Variants in NRXN1 observed in about 807,000 individuals in gnomAD.
NRXN1 encodes neurexin 1.
A neutral mutation model predicts 150.9 loss-of-function variants in NRXN1; 39 were observed. The ratio of observed to expected loss-of-function variants is 0.26; its 90% CI spans 0.20 to 0.34. The LOEUF (loss-of-function observed/expected upper bound fraction) is 0.34, where lower values mean the gene tolerates loss of function less well. NRXN1 is among the 10% of genes least tolerant of loss of function. The pLI is 1.00. For synonymous variants in NRXN1, 924 were observed against 757.0 expected (o/e 1.22, Z -3.62); for missense variants, 1,815 against 1,949.9 (o/e 0.93, Z 1.30).
intron 18 of NRXN1, among the ~76,000 whole-genome samples, chr2:50,218,374 G>C (rs2063546248): frequency 6.6e-6 from 1 of 151,878 alleles, no homozygotes; most frequent in Non-Finnish European, 1.5e-5. Context: ...AGATCTACCA[G>C]CTCTTAGTAT....
intron 17 of NRXN1, among the ~76,000 whole-genome samples, chr2:50,358,648 G>T (rs1379511429): frequency 6.6e-6 from 1 of 152,218 alleles, no homozygotes; most frequent in Non-Finnish European, 1.5e-5. Context: ...GCGGCTGTTG[G>T]CACAGCTTCA....
At chr2:50,683,996 C>A (rs1392706757) in intron 5 of NRXN1, among the ~76,000 whole-genome samples, 2 of 151,602 alleles carry the variant, frequency 1.3e-5, no homozygotes, top group East Asian at 3.9e-4. Flanking sequence ...GTATACATAC[C>A]CATCCATCCA....
At chr2:50,160,739 G>T (rs1047261311) in intron 18 of NRXN1, among the ~76,000 whole-genome samples, 1 of 152,070 alleles carries the variant, frequency 6.6e-6, no homozygotes, top group Admixed American at 6.6e-5. Context: ...AAAGCCCTCG[G>T]TCAGGTTTGT....
intron 17 of NRXN1, among the ~76,000 whole-genome samples, chr2:50,333,146 T>C (rs567910921): frequency 3.2e-4 from 49 of 152,292 alleles, no homozygotes; most frequent in South Asian, 1.0e-3. Flanking sequence ...CTCATCTCTT[T>C]GATCTTTTGA....
At chr2:50,226,855 G>A (rs1271823100) in intron 18 of NRXN1, among the ~76,000 whole-genome samples, 1 of 151,876 alleles carries the variant, frequency 6.6e-6, no homozygotes, top group Non-Finnish European at 1.5e-5. Context: ...GAGCAGCACC[G>A]ACCTATTGCC....
intron 17 of NRXN1, among the ~76,000 whole-genome samples, chr2:50,406,742 C>T (rs1372326698): frequency 6.6e-6 from 1 of 152,098 alleles, no homozygotes; most frequent in Admixed American, 6.5e-5. Flanking sequence ...CAGTATCTTT[C>T]CTTTGGTTCT....
rs111777396 is a variant in NRXN1, at chr2:50,660,844, T to C, written c.833-37229A>G. ...AAATATATATATGGTGTTTCAAATA[T>C]GTGGTAGGCACTGATCTCAGATTTG... is the stretch of plus-strand genomic sequence containing the variant. On this transcript the variant is annotated intron_variant, in intron 5 of 22. Coordinates refer to ENST00000401669, the MANE Select transcript of NRXN1 (RefSeq NM_001330078.2). 5.9e-5 allele frequency among the ~76,000 whole-genome samples: 9 copies of C among 152,156 alleles called. No individual in the cohort carries two copies. In the East Asian group the frequency reaches 1.6e-3, roughly 26 times the overall value.
chr2:50,205,228 A>C (rs1479357814), intron 18 of NRXN1, among the ~76,000 whole-genome samples: 1 of 152,064 alleles, frequency 6.6e-6, no homozygotes, highest in African/African-American at 2.4e-5. Context: ...CTCATGAAAA[A>C]CTTTGCATTT....
intron 8 of NRXN1, among the ~76,000 whole-genome samples, chr2:50,575,040 T>A (rs1671199673): frequency 6.6e-6 from 1 of 152,228 alleles, no homozygotes; most frequent in Non-Finnish European, 1.5e-5. Context: ...ACTTACAGGA[T>A]GTATTGCCAC....
At chr2:50,114,507 T>C (rs1702774839) in intron 18 of NRXN1, among the ~76,000 whole-genome samples, 1 of 152,190 alleles carries the variant, frequency 6.6e-6, no homozygotes, top group African/African-American at 2.4e-5. Flanking sequence ...AACTCCTTGG[T>C]ATTTAACCAG....
chr2:50,448,951 A>G (rs774784738), intron 17 of NRXN1, among the ~76,000 whole-genome samples: 1 of 152,196 alleles, frequency 6.6e-6, no homozygotes, highest in Non-Finnish European at 1.5e-5. Context: ...GGAAAGCTGG[A>G]TATTTATTTT....
At chr2:50,084,954 A>G (rs1384145858) in intron 19 of NRXN1, among the ~76,000 whole-genome samples, 2 of 152,212 alleles carry the variant, frequency 1.3e-5, no homozygotes, top group Non-Finnish European at 2.9e-5. Context: ...ATTATGTTTC[A>G]TCATTTGGAA....
chr2:50,891,457 A>G (rs187410710), intron 5 of NRXN1, among the ~76,000 whole-genome samples: 1 of 152,220 alleles, frequency 6.6e-6, no homozygotes, highest in Admixed American at 6.5e-5. Flanking sequence ...ACTTAAATAT[A>G]CACGAGTATT....
At chr2:50,752,538 G>A (rs1318903138) in intron 5 of NRXN1, among the ~76,000 whole-genome samples, 1 of 151,890 alleles carries the variant, frequency 6.6e-6, no homozygotes, top group South Asian at 2.1e-4. Flanking sequence ...AATCTACGTT[G>A]TATGGCTAAT....
intron 17 of NRXN1, among the ~76,000 whole-genome samples, chr2:50,391,113 C>G (rs563346446): frequency 6.6e-6 from 1 of 151,776 alleles, no homozygotes; most frequent in African/African-American, 2.4e-5. Flanking sequence ...GCTCAGAGAG[C>G]TAAAACAGCA....
At chr2:50,232,392 T>G (rs59145804) in intron 18 of NRXN1, among the ~76,000 whole-genome samples, 1 of 143,888 alleles carries the variant, frequency 6.9e-6, no homozygotes, top group Non-Finnish European at 1.5e-5. Context: ...CTTTTCTTTT[T>G]TTTTTTTTTT....
chr2:50,229,894 G>C (rs2064774794), intron 18 of NRXN1, among the ~76,000 whole-genome samples: 2 of 152,182 alleles, frequency 1.3e-5, no homozygotes, highest in African/African-American at 4.8e-5. Context: ...GAAGTTCCTT[G>C]TTTTGACAGC....
At chr2:50,919,715 T>C (rs1685720436) in intron 5 of NRXN1, 3 of 154,030 alleles carry the variant, frequency 1.9e-5, no homozygotes, top group Non-Finnish European at 4.3e-5. Context: ...TAACTCCACA[T>C]AGGAAATTGC....
At chr2:50,942,526 C>T (rs542949697) in intron 2 of NRXN1, among the ~76,000 whole-genome samples, 1 of 152,140 alleles carries the variant, frequency 6.6e-6, no homozygotes, top group Non-Finnish European at 1.5e-5. Flanking sequence ...GCCTTGGGAG[C>T]CCCACTCTTG....
Sources: allele counts gnomAD v4.1 joint callset (sites outside exome capture counted in the v4.1 genomes callset), GRCh38; gene constraint gnomAD v4.1.1; transcripts MANE v1.5; gene names NCBI Gene and HGNC (gene_info 2026-07-23, HGNC 2026-07-21).